PPP1R21: variants seen among roughly 807,000 people sequenced by gnomAD.
PPP1R21 encodes KLRAQ motif containing 1.
A neutral mutation model predicts 112.8 loss-of-function variants in PPP1R21; 85 were observed. That is an observed-to-expected ratio of 0.75 (90% CI 0.63 to 0.90). The LOEUF (loss-of-function observed/expected upper bound fraction) is 0.90. Among genes scored for constraint, PPP1R21 ranks in the 40% least tolerant of loss-of-function variants. The pLI, the probability that PPP1R21 is intolerant of heterozygous loss-of-function variation, is 0.00. For synonymous variants in PPP1R21, 381 were observed against 322.3 expected, an observed-to-expected ratio of 1.18 and a Z score of -1.95; for missense variants, 1,199 against 901.5, an observed-to-expected ratio of 1.33 and a Z score of -4.23.
rs1667073017 is a variant in PPP1R21 at position 48,442,453 on chromosome 2, T to C, written c.57+1443T>C. Among the ~76,000 whole-genome samples, 2 of 152,160 alleles carry C rather than the reference T, an allele frequency of 1.3e-5. 1 individual carries two copies. The highest frequency in any genetic ancestry group is 2.9e-5 in the Non-Finnish European group (2 of 68,022). The stretch of plus-strand genomic sequence containing the variant: ...ACATTGCTGAAATAACTGTATAGCC[T>C]CCCAAAGTAATAAAAACTGAAAAGT... On this transcript the variant is annotated intron_variant, in intron 1 of 21. Coordinates refer to ENST00000294952, the MANE Select transcript of PPP1R21 (RefSeq NM_001135629.3).
Position 48,479,943 on chromosome 2 carries a change from C to T in PPP1R21, c.1245C>T (p.Leu415=), listed in dbSNP as rs377520966. The change falls in exon 13 of 22, where the codon CTC becomes CTT. Residue 415 remains leucine, a synonymous_variant. Transcript: ENST00000294952. ...TCCTAGGTACAGAGCCAGATGGACTCCTTCGGACAAACTACAGTTCTGTGT... is the reference window on the plus strand; with the variant it reads ...TCCTAGGTACAGAGCCAGATGGACTTCTTCGGACAAACTACAGTTCTGTGT... The part of the protein sequence containing the change: ...LALPSTEPDG[L]LRTNYSSVLT... 29 of 1,611,368 alleles carry T rather than the reference C, an allele frequency of 1.8e-5. No homozygotes were observed. The African/African-American group carries it at 2.4e-4, about 13-fold the overall frequency.
intron 8 of PPP1R21, among the ~76,000 whole-genome samples, chr2:48,465,244 T>C (rs987082828): frequency 1.3e-5 from 2 of 152,222 alleles, no homozygotes; most frequent in Admixed American, 6.5e-5. Flanking sequence ...TTTTGAGCCA[T>C]ACTTTTTTGT....
chr2:48,468,656 A>C (rs1228735491), intron 9 of PPP1R21, among the ~76,000 whole-genome samples: 1 of 152,044 alleles, frequency 6.6e-6, no homozygotes, highest in East Asian at 1.9e-4. Context: ...CTACCAAAAA[A>C]AAACAAAAAT....
chr2:48,448,893 C>A (rs959967313), intron 1 of PPP1R21, among the ~76,000 whole-genome samples: 2 of 152,188 alleles, frequency 1.3e-5, no homozygotes, highest in Non-Finnish European at 2.9e-5. Flanking sequence ...CATTGTACCT[C>A]AAAAGCAACC....
In PPP1R21 at chr2:48,515,222, C is replaced by CTCTCTCTCTCTCTCTCTT. The variant is rs1670822482; in HGVS notation, c.*495_*496insTTCTCTCTCTCTCTCTCT. 6.6e-6 allele frequency: 1 copy of CTCTCTCTCTCTCTCTCTT among 151,970 alleles called. No individual in the cohort carries two copies. Among genetic ancestry groups the CTCTCTCTCTCTCTCTCTT allele is most frequent in the African/African-American group, 2.5e-5 (1 of 40,654 alleles). 9.4% of individuals were successfully genotyped at this position (151,970 alleles called of 1,614,324 possible). The stretch of plus-strand genomic sequence containing the variant: ...TTAAAAGATTTGTTCATATTTCTCT[C>CTCTCTCTCTCTCTCTCTT]TCTCTCTCTCTCTCTCTCTCTCTCT... On this transcript the variant is annotated 3_prime_UTR_variant, in exon 22 of 22. Coordinates refer to ENST00000294952, the MANE Select transcript of PPP1R21 (RefSeq NM_001135629.3).
chr2:48,504,494 A>G (rs1670280401), intron 17 of PPP1R21, among the ~76,000 whole-genome samples: 1 of 152,140 alleles, frequency 6.6e-6, no homozygotes, highest in Non-Finnish European at 1.5e-5. Context: ...ACAAAAAATT[A>G]GCTGGGCGTG....
chr2:48,450,846 T>C (rs1667439783), intron 1 of PPP1R21, among the ~76,000 whole-genome samples, 162 bp from the exon 2 acceptor site: 1 of 152,188 alleles, frequency 6.6e-6, no homozygotes, highest in Non-Finnish European at 1.5e-5. Context: ...TGAATTATTG[T>C]TATCTACTAC....
At chr2:48,451,937 A>G (rs1383045569) in intron 2 of PPP1R21, among the ~76,000 whole-genome samples, 2 of 152,168 alleles carry the variant, frequency 1.3e-5, no homozygotes, top group East Asian at 3.9e-4. Context: ...ATCCTACAGG[A>G]GAGAAATCTG....
rs911595713 is a variant in PPP1R21, at chr2:48,471,576, A to G, written c.1088+209A>G. The G allele has an allele frequency of 4.7e-5, 24 of 511,752 alleles. No homozygotes were observed. In the Admixed American group the frequency reaches 5.5e-4, roughly 12 times the overall value. 31.7% of individuals were successfully genotyped at this position (511,752 alleles called of 1,614,324 possible). On this transcript the variant is annotated intron_variant, in intron 11 of 21. Coordinates refer to ENST00000294952, the MANE Select transcript of PPP1R21 (RefSeq NM_001135629.3). The stretch of plus-strand genomic sequence containing the variant: ...TTGAATTATAGTCTGTCAGTTACAG[A>G]TTTTCAGTTGTTCTGTACTGTGGTT...
rs555044369 is a variant in PPP1R21 at position 48,506,292 on chromosome 2, C to T, written c.1968+696C>T. On this transcript the variant is annotated intron_variant, in intron 18 of 21. Coordinates refer to ENST00000294952, the MANE Select transcript of PPP1R21 (RefSeq NM_001135629.3). Reference sequence around the variant, plus strand: ...TACTTCTAGTAGAGACAGGGTTTCGCCATGTTGGCCAGGCTGGTCTCAAAC... The same window carrying T: ...TACTTCTAGTAGAGACAGGGTTTCGTCATGTTGGCCAGGCTGGTCTCAAAC... Among the ~76,000 whole-genome samples the T allele has an allele frequency of 2.6e-5, 4 of 152,256 alleles. No homozygotes were observed. The South Asian group carries it at 8.3e-4, about 32-fold the overall frequency.
intron 1 of PPP1R21, among the ~76,000 whole-genome samples, chr2:48,442,247 G>C (rs1161299336): frequency 6.6e-6 from 1 of 152,162 alleles, no homozygotes; most frequent in Non-Finnish European, 1.5e-5. Context: ...CTCAAATTTG[G>C]CTCTACTATT....
chr2:48,509,370 A>C (rs1469956109), intron 19 of PPP1R21, among the ~76,000 whole-genome samples: 1 of 151,470 alleles, frequency 6.6e-6, no homozygotes, highest in Non-Finnish European at 1.5e-5. Context: ...TTTTCTTTTT[A>C]TCTAGTATAA....
rs768105236 is a variant in PPP1R21 at position 48,465,595 on chromosome 2, T to A, written c.850T>A (p.Phe284Ile). The A allele has an allele frequency of 1.2e-6, 2 of 1,613,894 alleles. No homozygotes were observed. Among genetic ancestry groups the A allele is most frequent in the East Asian group, 4.5e-5 (2 of 44,868 alleles). Reference sequence around the variant, plus strand: ...CTACACAGAACAGAGGATTCAAATTTTTCCTGTTGATTCTGCCATTGACAC... The same window carrying A: ...CTACACAGAACAGAGGATTCAAATTATTCCTGTTGATTCTGCCATTGACAC... ...HTYTEQRIQI[F>I]PVDSAIDTIS... The change falls in exon 9 of 22, where the codon TTT becomes ATT. Residue 284 changes from phenylalanine (F) to isoleucine (I), a missense_variant. Transcript: ENST00000294952.
At position 48,474,671 on chromosome 2, in the gene PPP1R21, G is replaced by C; in HGVS notation, c.1089-12G>C. 1 of 1,595,834 alleles carries C rather than the reference G, an allele frequency of 6.3e-7. No individual in the cohort carries two copies. Among genetic ancestry groups the C allele is most frequent in the Non-Finnish European group, 8.5e-7 (1 of 1,172,438 alleles). Reference sequence around the variant, plus strand: ...TGGGATGCTCACTTCTTAAAAATCTGCCTATTCCTAGTTTAGAAGAAGAAT... The same window carrying C: ...TGGGATGCTCACTTCTTAAAAATCTCCCTATTCCTAGTTTAGAAGAAGAAT... On this transcript the variant is annotated splice_polypyrimidine_tract_variant and intron_variant, in intron 11 of 21. Transcript: ENST00000294952.
At chr2:48,470,984 A>T in intron 9 of PPP1R21, 103 bp from the exon 10 acceptor site, 1 of 774,292 alleles carries the variant, frequency 1.3e-6, no homozygotes, top group Non-Finnish European at 2.2e-6. Flanking sequence ...AGCCATTATC[A>T]GGTTTACAAT....
chr2:48,498,582 G>C lies in PPP1R21; in HGVS notation c.1782G>C (p.Glu594Asp). Residue 594 changes from glutamate to aspartate, a missense_variant, in exon 17 of 22, where the codon GAG becomes GAC. Transcript: ENST00000294952. Reference sequence around the variant, plus strand: ...CACAATTAGCCAAAATCAAGCTAGAGAAAGAAAACCAGCGAATTGCAGATA... The same window carrying C: ...CACAATTAGCCAAAATCAAGCTAGACAAAGAAAACCAGCGAATTGCAGATA... ...LEAQLAKIKL[E>D]KENQRIADKL... 1 of 1,614,218 alleles carries C rather than the reference G, an allele frequency of 6.2e-7. No individual in the cohort carries two copies. The highest frequency in any genetic ancestry group is 1.7e-5 in the Admixed American group (1 of 60,026).
At chr2:48,486,475 T>G (rs1434239481) in intron 13 of PPP1R21, among the ~76,000 whole-genome samples, 156 bp from the exon 14 acceptor site, 1 of 152,222 alleles carries the variant, frequency 6.6e-6, no homozygotes, top group African/African-American at 2.4e-5. Flanking sequence ...ATTTGTGACC[T>G]AATTGATACT....
intron 20 of PPP1R21, among the ~76,000 whole-genome samples, chr2:48,510,415 G>A (rs1670585986): frequency 4.6e-5 from 7 of 152,190 alleles, no homozygotes; most frequent in Admixed American, 4.6e-4. Context: ...TGAGCTGTAG[G>A]CTTGTTCTGT....
intron 21 of PPP1R21, among the ~76,000 whole-genome samples, chr2:48,514,463 TTTTC>T (rs1450458355): frequency 3.9e-5 from 6 of 152,318 alleles, no homozygotes; most frequent in Middle Eastern, 3.4e-3. Flanking sequence ...AGTTGCTTTC[TTTTC>T]TTTCTTTATT....
Sources: allele counts gnomAD v4.1 joint callset (sites outside exome capture counted in the v4.1 genomes callset), GRCh38; gene constraint gnomAD v4.1.1; transcripts MANE v1.5; gene names NCBI Gene and HGNC (gene_info 2026-07-23, HGNC 2026-07-21).